PRKCQ: variants seen among roughly 807,000 people sequenced by gnomAD.
PRKCQ encodes protein kinase C theta type.
A neutral mutation model predicts 91.2 loss-of-function variants in PRKCQ; 41 were observed. That is an observed-to-expected ratio of 0.45 (90% CI 0.35 to 0.58). The LOEUF is 0.58. Ranked by LOEUF, PRKCQ falls within the 20% of genes least tolerant of loss-of-function variation. The probability of loss-of-function intolerance (pLI) is 0.00; values close to 1 mark genes in which losing one functional copy is unlikely to be tolerated. For missense variants in PRKCQ, 673 were observed against 896.5 expected, an observed-to-expected ratio of 0.75 and a Z score of 3.18; for synonymous variants, 307 against 316.9, an observed-to-expected ratio of 0.97 and a Z score of 0.33.
rs576912316 is a variant in PRKCQ, at chr10:6,474,231, G to A, written c.1353+4761C>T. On this transcript the variant is annotated intron_variant, in intron 12 of 17. Coordinates refer to ENST00000263125, the MANE Select transcript of PRKCQ (RefSeq NM_006257.5). ...GTGATGTGAATCCAGGAACACTAGC[G>A]TTCTGCCTCTTGGCATCACCCTGGG... Among the ~76,000 whole-genome samples, 4 of 152,356 alleles carry A rather than the reference G, an allele frequency of 2.6e-5. No individual in the cohort carries two copies. In the East Asian group the frequency reaches 5.8e-4, roughly 22 times the overall value.
At chr10:6,404,916 CCTTCCTTCCT>C in the PRKCQ span, among the ~76,000 whole-genome samples, 6 of 147,244 alleles carry the variant, frequency 4.1e-5, no homozygotes, top group African/African-American at 5.1e-5. Flanking sequence ...CTTCCTCCCT[CCTTCCTTCCT>C]CCCTTCCCTT....
At chr10:6,504,219 C>T (rs560863466) in intron 4 of PRKCQ, among the ~76,000 whole-genome samples, 23 of 152,192 alleles carry the variant, frequency 1.5e-4, no homozygotes, top group Non-Finnish European at 3.1e-4. Flanking sequence ...TGTAGCTACA[C>T]CCTTAGAACA....
chr10:6,501,843 A>T (rs532096349), intron 4 of PRKCQ, among the ~76,000 whole-genome samples: 2 of 152,150 alleles, frequency 1.3e-5, no homozygotes, highest in Admixed American at 6.6e-5. Context: ...AAAAATACAT[A>T]AAAAAATTAA....
At chr10:6,409,586 C>T in the PRKCQ span, among the ~76,000 whole-genome samples, 2 of 152,204 alleles carry the variant, frequency 1.3e-5, no homozygotes, top group Non-Finnish European at 1.5e-5. Flanking sequence ...TGAGCCACTG[C>T]GCCTGGCCTC....
At chr10:6,452,945 T>C (rs1292690279) in intron 15 of PRKCQ, among the ~76,000 whole-genome samples, 10 of 148,652 alleles carry the variant, frequency 6.7e-5, no homozygotes, top group Non-Finnish European at 1.3e-4. Flanking sequence ...AAGACTTAAA[T>C]GTTAGACCTA....
At chr10:6,559,487 TAGCTGGG>T (rs1840541979) in intron 1 of PRKCQ, among the ~76,000 whole-genome samples, 1 of 152,104 alleles carries the variant, frequency 6.6e-6, no homozygotes. Flanking sequence ...GCCTCCTGAG[TAGCTGGG>T]ACTACAGGCA....
intron 12 of PRKCQ, among the ~76,000 whole-genome samples, chr10:6,474,101 T>G: frequency 6.6e-6 from 1 of 152,228 alleles, no homozygotes; most frequent in East Asian, 1.9e-4. Context: ...GTTCTATGAA[T>G]AGAAAGTGAA....
chr10:6,426,562 A>AAGAT (rs1235522921), downstream of PRKCQ, among the ~76,000 whole-genome samples: 2 of 152,178 alleles, frequency 1.3e-5, no homozygotes, highest in South Asian at 2.1e-4. Flanking sequence ...GACACATCTG[A>AAGAT]AGATAGATGC....
the PRKCQ span, among the ~76,000 whole-genome samples, chr10:6,404,533 C>T: frequency 1.4e-5 from 2 of 141,342 alleles, no homozygotes; most frequent in Admixed American, 7.4e-5. Context: ...TCCTTCCTTC[C>T]TTCCCTTCCT....
intron 1 of PRKCQ, among the ~76,000 whole-genome samples, chr10:6,566,873 C>G (rs973218255): frequency 2.0e-5 from 3 of 152,018 alleles, no homozygotes; most frequent in Admixed American, 2.0e-4. Flanking sequence ...GATATGGACC[C>G]AAATCGGAGT....
intron 1 of PRKCQ, among the ~76,000 whole-genome samples, chr10:6,578,216 A>T (rs12244367): frequency 0.026 from 3,894 of 152,304 alleles, 157 homozygotes; most frequent in African/African-American, 0.08. Flanking sequence ...ACAGCAAAAC[A>T]AATCAAATTT....
intron 1 of PRKCQ, among the ~76,000 whole-genome samples, chr10:6,519,871 C>A (rs889502412): frequency 6.6e-6 from 1 of 152,130 alleles, no homozygotes; most frequent in Admixed American, 6.5e-5. Context: ...TAATATGGAA[C>A]CTGGGAGGCA....
intron 1 of PRKCQ, among the ~76,000 whole-genome samples, chr10:6,516,164 A>G (rs1479183185): frequency 6.6e-6 from 1 of 152,258 alleles, no homozygotes; most frequent in Admixed American, 6.5e-5. Flanking sequence ...TTGAAATAAT[A>G]AAGACCTGGA....
intron 15 of PRKCQ, among the ~76,000 whole-genome samples, chr10:6,448,816 C>G (rs918390830): frequency 6.6e-5 from 10 of 152,160 alleles, no homozygotes; most frequent in Admixed American, 6.5e-4. Context: ...GATACCCAGG[C>G]AAACAGGGTC....
chr10:6,411,150 A>C, the PRKCQ span, among the ~76,000 whole-genome samples: 1 of 152,194 alleles, frequency 6.6e-6, no homozygotes, highest in Non-Finnish European at 1.5e-5. Flanking sequence ...AGGAGTCTAC[A>C]TAGTTCATAG....
At chr10:6,398,112 C>G in the PRKCQ span, among the ~76,000 whole-genome samples, 1 of 152,188 alleles carries the variant, frequency 6.6e-6, no homozygotes, top group Non-Finnish European at 1.5e-5. Flanking sequence ...TTCAGCTGTT[C>G]TTAGCATCAT....
Position 6,505,475 on chromosome 10 carries a change from T to C in PRKCQ, c.379+1961A>G, listed in dbSNP as rs11259282. Reference sequence around the variant, plus strand: ...TTCTTTTGAAGGACCCTTTTTCTCCTTCCTTCCTTCCTTCCCTCCCTCCCT... The same window carrying C: ...TTCTTTTGAAGGACCCTTTTTCTCCCTCCTTCCTTCCTTCCCTCCCTCCCT... On this transcript the variant is annotated intron_variant, in intron 4 of 17. Transcript: ENST00000263125. 9.0e-4 allele frequency among the ~76,000 whole-genome samples: 100 copies of C among 110,588 alleles called. 1 individual carries two copies. The highest frequency in any genetic ancestry group is 3.2e-3 in the East Asian group (11 of 3,462). The allele number at this position is 110,588 out of a possible 152,430, so 72.6% of individuals were successfully genotyped here. A position where few individuals can be genotyped will look rare whatever the true frequency, so the allele number is the denominator to read the frequency against.
At chr10:6,462,211 T>G in intron 14 of PRKCQ, 92 bp downstream of exon 14, 1 of 1,165,422 alleles carries the variant, frequency 8.6e-7, no homozygotes, top group Middle Eastern at 2.0e-4. Flanking sequence ...GGAAATCACA[T>G]GGGCTGTCTC....
At chr10:6,528,403 T>TG (rs1290066762) in intron 1 of PRKCQ, among the ~76,000 whole-genome samples, 2 of 151,828 alleles carry the variant, frequency 1.3e-5, no homozygotes, top group Admixed American at 1.3e-4. Flanking sequence ...TGGGGTGGGG[T>TG]GGGGGCGCAT....
Sources: gnomAD v4.1 joint callset for allele counts (sites outside exome capture counted in the v4.1 genomes callset) on GRCh38, gnomAD v4.1.1 for gene constraint, MANE v1.5 for transcripts, NCBI Gene and HGNC (gene_info 2026-07-23, HGNC 2026-07-21) for gene names.